Variants in RAD54B observed in about 807,000 individuals in gnomAD.
RAD54B encodes DNA repair and recombination protein RAD54B.
A neutral mutation model predicts 95.8 loss-of-function variants in RAD54B; 78 were observed. That is an observed-to-expected ratio of 0.81 (90% CI 0.68 to 0.98). The LOEUF (loss-of-function observed/expected upper bound fraction) is 0.98, where lower values mean the gene tolerates loss of function less well. Among genes scored for constraint, RAD54B ranks in the 50% least tolerant of loss-of-function variants. RAD54B has a pLI of 0.00. For missense variants in RAD54B, 957 were observed against 1,056.6 expected, an observed-to-expected ratio of 0.91 and a Z score of 1.31; for synonymous variants, 328 against 354.9, an observed-to-expected ratio of 0.92 and a Z score of 0.85.
intron 3 of RAD54B, among the ~76,000 whole-genome samples, chr8:94,449,386 C>G (rs1812600906): frequency 1.3e-5 from 2 of 151,870 alleles, no homozygotes; most frequent in African/African-American, 4.8e-5. Flanking sequence ...GACGGACGGA[C>G]CACATGAGGT....
chr8:94,374,344 G>A (rs193273467), intron 14 of RAD54B, among the ~76,000 whole-genome samples: 13 of 151,484 alleles, frequency 8.6e-5, no homozygotes, highest in Non-Finnish European at 1.6e-4. Context: ...AATAATACCT[G>A]CAAAGTACTA....
intron 1 of RAD54B, among the ~76,000 whole-genome samples, chr8:94,474,496 T>C (rs1226898291): frequency 6.6e-6 from 1 of 152,214 alleles, no homozygotes; most frequent in South Asian, 2.1e-4. Context: ...AAGCATCTGT[T>C]CCTACCTAGA....
intron 3 of RAD54B, among the ~76,000 whole-genome samples, chr8:94,443,083 T>C (rs1282119391): frequency 6.6e-6 from 1 of 152,220 alleles, no homozygotes; most frequent in Non-Finnish European, 1.5e-5. Context: ...TTAAATCTCA[T>C]GCTGACAATG....
intron 3 of RAD54B, among the ~76,000 whole-genome samples, chr8:94,449,609 CAAAAAAA>C: frequency 1.5e-5 from 1 of 66,628 alleles, no homozygotes; most frequent in East Asian, 4.6e-4. Context: ...ACTCTGTCTC[CAAAAAAA>C]AAAAAAAAAA....
At chr8:94,377,737 G>T (rs1385451076) in intron 14 of RAD54B, among the ~76,000 whole-genome samples, 1 of 151,262 alleles carries the variant, frequency 6.6e-6, no homozygotes, top group Admixed American at 6.6e-5. Context: ...AGCACTTTGG[G>T]AGGCCGAGGC....
chr8:94,385,121 C>T (rs1810838591), intron 11 of RAD54B, among the ~76,000 whole-genome samples: 1 of 152,038 alleles, frequency 6.6e-6, no homozygotes, highest in Admixed American at 6.6e-5. Flanking sequence ...GAGAAAAGAC[C>T]ACCCCAACTT....
In RAD54B at chr8:94,400,230, T is replaced by G; in HGVS notation, c.1170+8A>C. On this transcript the variant is annotated splice_region_variant and intron_variant, in intron 7 of 14. Coordinates refer to ENST00000336148, the MANE Select transcript of RAD54B (RefSeq NM_012415.3). ...AAATGACTAAGGCTAAACTTTTAAG[T>G]TTCTTACCTGATCAACAGTAAATAT... 1 of 1,608,230 alleles carries G rather than the reference T, an allele frequency of 6.2e-7. No homozygotes were observed. The highest frequency in any genetic ancestry group is 8.5e-7 in the Non-Finnish European group (1 of 1,175,232).
At position 94,429,392 on chromosome 8, in the gene RAD54B, C is replaced by CT. The variant is rs905896206; in HGVS notation, c.305-18078dup. 149 of 832,454 alleles carry CT rather than the reference C, an allele frequency of 1.8e-4. 1 individual carries two copies. In the East Asian group the frequency reaches 1.9e-3, roughly 10 times the overall value. 51.6% of individuals were successfully genotyped at this position (832,454 alleles called of 1,614,324 possible). A position where few individuals can be genotyped will look rare whatever the true frequency, so the allele number is the denominator to read the frequency against. ...AAAAATAAAAAAGATGTATACTGCA[C>CT]TTTTTTTTAACACAGATCTCTTTTC... On this transcript the variant is annotated intron_variant, in intron 3 of 14. Coordinates refer to ENST00000336148, the MANE Select transcript of RAD54B (RefSeq NM_012415.3).
chr8:94,464,835 C>T (rs71532318), intron 2 of RAD54B, among the ~76,000 whole-genome samples: 3,549 of 152,134 alleles, frequency 0.023, 57 homozygotes, highest in Non-Finnish European at 0.035. Flanking sequence ...TGAGAGCCTC[C>T]AGAAGCTTAT....
At chr8:94,436,914 C>T in intron 3 of RAD54B, 2 of 1,478,612 alleles carry the variant, frequency 1.4e-6, no homozygotes, top group Non-Finnish European at 1.8e-6. Context: ...CACCATGCAG[C>T]CTTCAGCTCT....
At chr8:94,455,039 T>A (rs1812749663) in intron 3 of RAD54B, among the ~76,000 whole-genome samples, 1 of 152,184 alleles carries the variant, frequency 6.6e-6, no homozygotes, top group Non-Finnish European at 1.5e-5. Context: ...CAAAACTCTC[T>A]AGCCCCCTAC....
chr8:94,461,026 G>A (rs1430578611), intron 2 of RAD54B, among the ~76,000 whole-genome samples: 1 of 151,968 alleles, frequency 6.6e-6, no homozygotes, highest in African/African-American at 2.4e-5. Context: ...AAGTAACACA[G>A]ATTCCAGTGA....
At chr8:94,459,630 C>G (rs963782833) in intron 2 of RAD54B, among the ~76,000 whole-genome samples, 3 of 151,030 alleles carry the variant, frequency 2.0e-5, no homozygotes, top group African/African-American at 7.3e-5. Context: ...GAGGCCAAGG[C>G]AGGTGGATCA....
intron 3 of RAD54B, among the ~76,000 whole-genome samples, chr8:94,452,388 A>G (rs1188700135): frequency 2.0e-5 from 3 of 152,250 alleles, no homozygotes; most frequent in African/African-American, 7.2e-5. Context: ...ATTTCAGGTG[A>G]TGGAGCACCA....
At chr8:94,383,483 A>C (rs1000591130) in intron 11 of RAD54B, among the ~76,000 whole-genome samples, 1 of 152,206 alleles carries the variant, frequency 6.6e-6, no homozygotes, top group African/African-American at 2.4e-5. Context: ...CCTCGGTTCA[A>C]AAATATTACA....
chr8:94,446,728 T>A (rs148265968), intron 3 of RAD54B, among the ~76,000 whole-genome samples: 1 of 152,134 alleles, frequency 6.6e-6, no homozygotes, highest in Admixed American at 6.5e-5. Flanking sequence ...CCTACAAGGA[T>A]GTTGTGTGGC....
At chr8:94,401,517 A>G (rs1408039121) in intron 6 of RAD54B, among the ~76,000 whole-genome samples, 1 of 152,060 alleles carries the variant, frequency 6.6e-6, no homozygotes, top group Non-Finnish European at 1.5e-5. Context: ...ATTATGTGTA[A>G]ATTGAGTGTT....
At chr8:94,418,161 A>G (rs1228301510) in intron 3 of RAD54B, among the ~76,000 whole-genome samples, 1 of 149,644 alleles carries the variant, frequency 6.7e-6, no homozygotes, top group Non-Finnish European at 1.5e-5. Flanking sequence ...TTCTCTTTTC[A>G]TATGTTATTG....
chr8:94,432,784 A>T (rs1038835849), intron 3 of RAD54B: 1 of 1,217,284 alleles, frequency 8.2e-7, no homozygotes, highest in Non-Finnish European at 1.1e-6. Context: ...CAAAATAAAA[A>T]AAAATCTTAA....
Sources: allele counts gnomAD v4.1 joint callset (sites outside exome capture counted in the v4.1 genomes callset), GRCh38; gene constraint gnomAD v4.1.1; transcripts MANE v1.5; gene names NCBI Gene and HGNC (gene_info 2026-07-23, HGNC 2026-07-21).